Variants in LRP1B observed in about 807,000 individuals in gnomAD.
The protein encoded by LRP1B is low-density lipoprotein receptor-related protein 1B.
In LRP1B, 217 loss-of-function variants were observed where a neutral mutation model predicts 556.6. That is an observed-to-expected ratio of 0.39 (90% CI 0.35 to 0.44). The LOEUF (loss-of-function observed/expected upper bound fraction) is 0.44, where lower values mean the gene tolerates loss of function less well. Ranked by LOEUF, LRP1B falls within the 20% of genes least tolerant of loss-of-function variation. LRP1B has a pLI of 1.00. For synonymous variants in LRP1B, 2,047 were observed against 1,865.8 expected (o/e 1.10, Z -2.50); for missense variants, 5,053 against 5,620.8 (o/e 0.90, Z 3.23).
intron 2 of LRP1B, among the ~76,000 whole-genome samples, chr2:141,505,357 G>A (rs1375973825): frequency 6.6e-6 from 1 of 152,020 alleles, no homozygotes; most frequent in Non-Finnish European, 1.5e-5. Flanking sequence ...CTTTCTCAGA[G>A]TAAATAGCAC....
At position 141,943,979 on chromosome 2, in the gene LRP1B, G is replaced by A. The variant is rs58783859; in HGVS notation, c.83-133578C>T. Among the ~76,000 whole-genome samples, 419 of 152,292 alleles carry A rather than the reference G, an allele frequency of 2.8e-3. 1 individual carries two copies. The highest frequency in any genetic ancestry group is 9.3e-3 in the African/African-American group (388 of 41,576). On this transcript the variant is annotated intron_variant, in intron 1 of 90. Transcript: ENST00000389484. ...CCTCATCTCCCAGATTGAATCCCAG[G>A]TTCCCACAGGGGAACAGGAGGGCCA...
chr2:140,400,779 G>T (rs775141051), intron 66 of LRP1B, among the ~76,000 whole-genome samples: 4 of 150,108 alleles, frequency 2.7e-5, no homozygotes, highest in African/African-American at 9.9e-5. Flanking sequence ...ACATTGTGAG[G>T]CAGGTAAAAA....
intron 41 of LRP1B, among the ~76,000 whole-genome samples, chr2:140,606,190 A>C (rs1448084863): frequency 1.3e-5 from 2 of 152,100 alleles, no homozygotes; most frequent in Non-Finnish European, 2.9e-5. Flanking sequence ...AAAGCAACAT[A>C]CAAAAAATCA....
chr2:141,783,679 C>A (rs1695335045), intron 2 of LRP1B, among the ~76,000 whole-genome samples: 1 of 151,628 alleles, frequency 6.6e-6, no homozygotes, highest in South Asian at 2.1e-4. Context: ...TCTCCAGCAT[C>A]CCTAAGAAAA....
intron 55 of LRP1B, among the ~76,000 whole-genome samples, chr2:140,499,721 G>A (rs1480753912): frequency 6.6e-6 from 1 of 151,190 alleles, no homozygotes; most frequent in East Asian, 1.9e-4. Context: ...TTTAGAAAAG[G>A]TACAGTAAAA....
At chr2:140,866,349 T>C (rs1692950830) in intron 27 of LRP1B, among the ~76,000 whole-genome samples, 1 of 152,150 alleles carries the variant, frequency 6.6e-6, no homozygotes, top group Admixed American at 6.6e-5. Context: ...CTTCTTGCCT[T>C]ATTTAAATTT....
intron 2 of LRP1B, among the ~76,000 whole-genome samples, chr2:141,666,262 C>T (rs1658914649): frequency 6.6e-6 from 1 of 152,146 alleles, no homozygotes; most frequent in Admixed American, 6.5e-5. Context: ...ACAATGTTAT[C>T]TTGTATCACC....
intron 11 of LRP1B, among the ~76,000 whole-genome samples, chr2:141,033,127 G>T (rs895455651): frequency 9.2e-5 from 14 of 151,928 alleles, no homozygotes; most frequent in Admixed American, 8.6e-4. Flanking sequence ...AAAACAGCAC[G>T]TGGTAAAGGC....
intron 7 of LRP1B, among the ~76,000 whole-genome samples, chr2:141,184,612 A>G (rs1188134482): frequency 1.3e-5 from 2 of 151,746 alleles, no homozygotes; most frequent in African/African-American, 4.8e-5. Flanking sequence ...ATTAAAAAAA[A>G]AAAACAGGGT....
At chr2:141,881,917 T>C (rs1236767906) in intron 1 of LRP1B, among the ~76,000 whole-genome samples, 1 of 152,076 alleles carries the variant, frequency 6.6e-6, no homozygotes, top group East Asian at 1.9e-4. Context: ...ATATTAAATA[T>C]GATTCAAGGA....
chr2:140,447,395 T>C (rs1048404547), intron 63 of LRP1B, among the ~76,000 whole-genome samples: 1 of 149,112 alleles, frequency 6.7e-6, no homozygotes, highest in Non-Finnish European at 1.5e-5. Context: ...CATGTCATAC[T>C]TTTTTTTTTG....
chr2:141,943,301 G>C (rs1020691353), intron 1 of LRP1B, among the ~76,000 whole-genome samples: 1 of 151,996 alleles, frequency 6.6e-6, no homozygotes, highest in Non-Finnish European at 1.5e-5. Flanking sequence ...TATATATTCC[G>C]AAGTGTTATA....
chr2:140,970,075 G>T (rs906139622), intron 18 of LRP1B, among the ~76,000 whole-genome samples: 11 of 152,154 alleles, frequency 7.2e-5, no homozygotes, highest in African/African-American at 2.4e-4. Context: ...GGCTGGCCTT[G>T]CTAGGTTGGG....
At chr2:140,729,575 TA>T (rs897377853) in intron 35 of LRP1B, among the ~76,000 whole-genome samples, 1 of 152,136 alleles carries the variant, frequency 6.6e-6, no homozygotes. Flanking sequence ...ATTCCCGCTT[TA>T]AAAAATTGTT....
intron 32 of LRP1B, among the ~76,000 whole-genome samples, chr2:140,796,431 C>T (rs1024083545): frequency 1.3e-5 from 2 of 151,948 alleles, no homozygotes; most frequent in African/African-American, 2.4e-5. Context: ...AATTGCTGGA[C>T]GAGTATCACA....
chr2:140,915,503 A>G lies in LRP1B; in HGVS notation c.3320-7426T>C, dbSNP rs63389660. Among the ~76,000 whole-genome samples the G allele has an allele frequency of 2.2e-4, 30 of 134,332 alleles. 1 individual carries two copies. The East Asian group carries it at 6.3e-3, about 28-fold the overall frequency. 88.1% of individuals were successfully genotyped at this position (134,332 alleles called of 152,430 possible). A position where few individuals can be genotyped will look rare whatever the true frequency, so the allele number is the denominator to read the frequency against. On this transcript the variant is annotated intron_variant, in intron 21 of 90. Coordinates refer to ENST00000389484, the MANE Select transcript of LRP1B (RefSeq NM_018557.3). ...ATCTCTACTAAAAAGAAAAAAAAAA[A>G]TTTAGTCAGGTGTGGTGATGCATGC...
In LRP1B at chr2:140,358,959, A is replaced by G. The variant is rs1197768117; in HGVS notation, c.11132-13T>C. 14 of 1,603,598 alleles carry G rather than the reference A, an allele frequency of 8.7e-6. No homozygotes were observed. The highest frequency in any genetic ancestry group is 1.2e-5 in the Non-Finnish European group (14 of 1,173,506). On this transcript the variant is annotated splice_polypyrimidine_tract_variant and intron_variant, in intron 72 of 90. Coordinates refer to ENST00000389484, the MANE Select transcript of LRP1B (RefSeq NM_018557.3). Reference sequence around the variant, plus strand: ...CAAAGAAATTTGACTGAAGAAAAAGAAGAAAAAACAAAGAAGCTCCTTCGA... The same window carrying G: ...CAAAGAAATTTGACTGAAGAAAAAGGAGAAAAAACAAAGAAGCTCCTTCGA...
At chr2:140,355,047 A>G (rs1175938396) in intron 75 of LRP1B, among the ~76,000 whole-genome samples, 2 of 151,778 alleles carry the variant, frequency 1.3e-5, no homozygotes, top group Non-Finnish European at 2.9e-5. Context: ...ACATTTTATT[A>G]GAGTTCAGAA....
intron 1 of LRP1B, among the ~76,000 whole-genome samples, chr2:142,094,644 T>C (rs1706294328): frequency 1.3e-5 from 2 of 151,988 alleles, no homozygotes; most frequent in African/African-American, 4.8e-5. Flanking sequence ...AAAGATTCAA[T>C]GAAGCTTAAA....
Sources: gnomAD v4.1 joint callset for allele counts (sites outside exome capture counted in the v4.1 genomes callset) on GRCh38, gnomAD v4.1.1 for gene constraint, MANE v1.5 for transcripts, NCBI Gene and HGNC (gene_info 2026-07-23, HGNC 2026-07-21) for gene names.